Variants in TAFA5 observed in about 807,000 individuals in gnomAD.
TAFA5 encodes TAFA chemokine like family member 5.
Under a neutral mutation model 15.3 loss-of-function variants are expected in TAFA5, and 6 were observed. The observed-to-expected ratio is 0.39, with a 90% CI of 0.21 to 0.77. The LOEUF (loss-of-function observed/expected upper bound fraction) is 0.77. Among genes scored for constraint, TAFA5 ranks in the 30% least tolerant of loss-of-function variants. The pLI is 0.41. For synonymous variants in TAFA5, 103 were observed against 80.7 expected, an observed-to-expected ratio of 1.28 and a Z score of -1.48; for missense variants, 161 against 193.1, an observed-to-expected ratio of 0.83 and a Z score of 0.98.
At chr22:48,615,104 G>T (rs535435221) in intron 1 of TAFA5, among the ~76,000 whole-genome samples, 1 of 152,126 alleles carries the variant, frequency 6.6e-6, no homozygotes, top group Admixed American at 6.5e-5. Context: ...TTCCCAGGAC[G>T]CCCCTTCAGG....
intron 1 of TAFA5, among the ~76,000 whole-genome samples, chr22:48,617,543 C>T (rs946166706): frequency 7.2e-5 from 11 of 152,232 alleles, no homozygotes; most frequent in African/African-American, 9.6e-5. Flanking sequence ...GCCCCGGAAG[C>T]GCCTCTCGCA....
chr22:48,646,693 G>A lies in TAFA5; in HGVS notation c.209G>A (p.Cys70Tyr), dbSNP rs1385339626. The A allele has an allele frequency of 6.2e-7, 1 of 1,608,992 alleles. No homozygotes were observed. Among genetic ancestry groups the A allele is most frequent in the Non-Finnish European group, 8.5e-7 (1 of 1,179,186 alleles). Residue 70 changes from cysteine (C) to tyrosine (Y), a missense_variant, in exon 2 of 4, where the codon TGT becomes TAT. Cys to Tyr is a radical substitution (Grantham distance 194, BLOSUM62 -2). Coordinates refer to ENST00000402357, the MANE Select transcript of TAFA5 (RefSeq NM_001082967.3). ...TIARQTARCA[C>Y]RKGQIAGTTR... ...GCCCGGCAGACCGCCCGCTGTGCGTGTAGAAAGGGGCAGATCGCCGGCACC... is the reference window on the plus strand; with the variant it reads ...GCCCGGCAGACCGCCCGCTGTGCGTATAGAAAGGGGCAGATCGCCGGCACC...
intron 1 of TAFA5, among the ~76,000 whole-genome samples, chr22:48,518,934 G>A (rs978211031): frequency 2.0e-5 from 3 of 152,164 alleles, no homozygotes; most frequent in African/African-American, 4.8e-5. Flanking sequence ...GTGACCAGGC[G>A]GCCGGCGGTC....
chr22:48,708,984 C>T (rs552228324), intron 3 of TAFA5, among the ~76,000 whole-genome samples: 8 of 152,264 alleles, frequency 5.3e-5, no homozygotes, highest in Middle Eastern at 3.4e-3. Flanking sequence ...TAACGTAATT[C>T]GGGGCTCTCA....
intron 1 of TAFA5, among the ~76,000 whole-genome samples, chr22:48,623,958 A>G (rs1337428959): frequency 6.6e-6 from 1 of 152,226 alleles, no homozygotes; most frequent in Non-Finnish European, 1.5e-5. Context: ...TTGGCTTGTC[A>G]TCTTCAGCTG....
At chr22:48,703,037 G>A (rs1012700322) in intron 2 of TAFA5, among the ~76,000 whole-genome samples, 2 of 152,246 alleles carry the variant, frequency 1.3e-5, no homozygotes, top group South Asian at 2.1e-4. Context: ...GGGTGCATGT[G>A]CAGATACATA....
intron 3 of TAFA5, among the ~76,000 whole-genome samples, chr22:48,711,378 G>T (rs1435744012): frequency 6.6e-6 from 1 of 151,902 alleles, no homozygotes; most frequent in African/African-American, 2.4e-5. Flanking sequence ...GGTAGATCTC[G>T]GTGAGTGACC....
chr22:48,715,769 C>G (rs1929385373), intron 3 of TAFA5, among the ~76,000 whole-genome samples: 1 of 152,250 alleles, frequency 6.6e-6, no homozygotes, highest in African/African-American at 2.4e-5. Context: ...AAGCCTGCCC[C>G]AGCCACAGAT....
chr22:48,507,078 T>C (rs1428811386), intron 1 of TAFA5, among the ~76,000 whole-genome samples: 2 of 148,862 alleles, frequency 1.3e-5, no homozygotes, highest in African/African-American at 4.9e-5. Context: ...GAGATGGTCA[T>C]CAAGGGCCAG....
chr22:48,674,738 T>A (rs542480480), intron 2 of TAFA5, among the ~76,000 whole-genome samples: 1 of 152,228 alleles, frequency 6.6e-6, no homozygotes, highest in East Asian at 1.9e-4. Context: ...CACCTTAGCT[T>A]GCCCGTTGGG....
At chr22:48,670,124 C>A (rs536928118) in intron 2 of TAFA5, among the ~76,000 whole-genome samples, 1 of 152,222 alleles carries the variant, frequency 6.6e-6, no homozygotes, top group Non-Finnish European at 1.5e-5. Flanking sequence ...CTTAGATCCT[C>A]TCAGAGGACA....
chr22:48,597,513 C>T (rs1924811330), intron 1 of TAFA5, among the ~76,000 whole-genome samples: 1 of 151,230 alleles, frequency 6.6e-6, no homozygotes. Context: ...CCCTGCCGGT[C>T]CCCTCTGGCT....
chr22:48,591,861 C>T (rs1233521432), intron 1 of TAFA5, among the ~76,000 whole-genome samples: 2 of 152,236 alleles, frequency 1.3e-5, no homozygotes, highest in African/African-American at 4.8e-5. Flanking sequence ...CACGGAGTCT[C>T]CCTCTCAGGG....
chr22:48,533,674 A>G (rs1424920729), intron 1 of TAFA5, among the ~76,000 whole-genome samples: 1 of 152,138 alleles, frequency 6.6e-6, no homozygotes, highest in East Asian at 1.9e-4. Flanking sequence ...CCCTTTCCCA[A>G]CTCGAGGCCA....
intron 2 of TAFA5, among the ~76,000 whole-genome samples, chr22:48,647,251 G>A (rs1601641186): frequency 6.6e-6 from 1 of 152,204 alleles, no homozygotes; most frequent in Non-Finnish European, 1.5e-5. Context: ...ATGCAGATGA[G>A]TGCCTGCTGG....
intron 1 of TAFA5, among the ~76,000 whole-genome samples, chr22:48,539,977 G>A (rs1374813876): frequency 2.0e-5 from 3 of 152,140 alleles, no homozygotes; most frequent in African/African-American, 7.2e-5. Flanking sequence ...AGAGAAAACC[G>A]GGGTCTGGCA....
intron 1 of TAFA5, among the ~76,000 whole-genome samples, chr22:48,509,576 T>G (rs60617071): frequency 0.034 from 5,196 of 152,288 alleles, 236 homozygotes; most frequent in African/African-American, 0.1. Context: ...ATTAGTGATG[T>G]GGGGCCTTTT....
intron 2 of TAFA5, among the ~76,000 whole-genome samples, chr22:48,706,860 G>A (rs1313487015): frequency 2.6e-5 from 4 of 152,164 alleles, no homozygotes; most frequent in African/African-American, 4.8e-5. Flanking sequence ...CTTTTACTCC[G>A]CCATGAAGTC....
intron 1 of TAFA5, among the ~76,000 whole-genome samples, chr22:48,582,427 TACC>T (rs1183076886): frequency 1.3e-5 from 1 of 76,552 alleles, no homozygotes; most frequent in Non-Finnish European, 2.8e-5. Flanking sequence ...ATACACCACA[TACC>T]ACACACAAAA....
Sources: gnomAD v4.1 joint callset for allele counts (sites outside exome capture counted in the v4.1 genomes callset) on GRCh38, gnomAD v4.1.1 for gene constraint, MANE v1.5 for transcripts, NCBI Gene and HGNC (gene_info 2026-07-23, HGNC 2026-07-21) for gene names.